Variants in TYSND1 observed in about 807,000 individuals in gnomAD.
TYSND1 encodes the protein peroxisomal leader peptide-processing protease.
Under a neutral mutation model 37.2 loss-of-function variants are expected in TYSND1, and 30 were observed. The ratio of observed to expected loss-of-function variants is 0.81; its 90% CI spans 0.60 to 1.09. The LOEUF (loss-of-function observed/expected upper bound fraction) is 1.09, where lower values mean the gene tolerates loss of function less well. TYSND1 is among the 50% of genes least tolerant of loss of function. The pLI is 0.00. For missense variants in TYSND1, 806 were observed against 817.4 expected (o/e 0.99, Z 0.17); for synonymous variants, 364 against 383.8 (o/e 0.95, Z 0.60).
At chr10:70,141,239 CT>C (rs34072247) in intron 3 of TYSND1, among the ~76,000 whole-genome samples, 51,751 of 126,120 alleles carry the variant, frequency 0.41, 10,196 homozygotes, top group East Asian at 0.55. Context: ...CCATACCTGG[CT>C]TTTTTTTTTT....
intron 2 of TYSND1, among the ~76,000 whole-genome samples, 153 bp downstream of exon 2, chr10:70,143,689 T>A (rs2072825537): frequency 6.6e-6 from 1 of 152,232 alleles, no homozygotes; most frequent in Non-Finnish European, 1.5e-5. Flanking sequence ...GGGCACTCCA[T>A]GTGCCCCACC....
intron 1 of TYSND1, chr10:70,144,550 G>A (rs2394648): frequency 0.86 from 846,340 of 986,980 alleles, 365,946 homozygotes; most frequent in Non-Finnish European, 0.88. Context: ...GTCAACTCCC[G>A]GGGAGGCAGC....
In TYSND1 at chr10:70,145,671, C is replaced by T. The variant is rs1452984516; in HGVS notation, c.916G>A (p.Ala306Thr). Residue 306 changes from alanine to threonine, a missense_variant, in exon 1 of 4, where the codon GCC becomes ACC. Coordinates refer to ENST00000287078, the MANE Select transcript of TYSND1 (RefSeq NM_173555.4). The part of the protein sequence containing the change: ...LCAAAPLFRA[A>T]RDALHRLPHS... ...GGCAGGCGGTGAAGCGCGTCGCGGG[C>T]GGCGCGGAAAAGGGGGGCGGCGGCG... 2.9e-6 allele frequency: 4 copies of T among 1,386,984 alleles called. No individual in the cohort carries two copies. The highest frequency in any genetic ancestry group is 2.8e-6 in the Non-Finnish European group (3 of 1,079,922). 85.9% of individuals were successfully genotyped at this position (1,386,984 alleles called of 1,614,324 possible).
At chr10:70,140,238 C>T (rs982454586) in intron 3 of TYSND1, 97 bp from the exon 4 acceptor site, 29 of 1,001,858 alleles carry the variant, frequency 2.9e-5, no homozygotes, top group Non-Finnish European at 4.3e-5. Flanking sequence ...CCCCCAGGGC[C>T]TGGTAGGGCT....
Position 70,146,133 on chromosome 10 carries a change from C to A in TYSND1, c.454G>T (p.Gly152Trp). Residue 152 changes from glycine to tryptophan, a missense_variant, in exon 1 of 4, where the codon GGG (glycine) becomes TGG (tryptophan). This residue lies in a region of TYSND1 where 708 missense variants were observed against 705.4 expected (regional missense o/e 1.00). Coordinates refer to ENST00000287078, the MANE Select transcript of TYSND1 (RefSeq NM_173555.4). ...AFWAHFARLF[G>W]DEAAEQWRFS... ...CGCCACTGTTCCGCTGCCTCGTCCCCGAAGAGGCGCGCGAAGTGGGCCCAG... is the reference window on the plus strand; with the variant it reads ...CGCCACTGTTCCGCTGCCTCGTCCCAGAAGAGGCGCGCGAAGTGGGCCCAG... 6.4e-7 allele frequency: 1 copy of A among 1,556,292 alleles called. No individual in the cohort carries two copies. The highest frequency in any genetic ancestry group is 8.7e-7 in the Non-Finnish European group (1 of 1,152,194).
intron 2 of TYSND1, among the ~76,000 whole-genome samples, 167 bp downstream of exon 2, chr10:70,143,675 C>T (rs2136691662): frequency 6.6e-6 from 1 of 152,340 alleles, no homozygotes; most frequent in South Asian, 2.1e-4. Context: ...CATTATCCTT[C>T]CCAGGGCACT....
chr10:70,143,740 T>C, intron 2 of TYSND1, 102 bp downstream of exon 2: 14 of 1,466,244 alleles, frequency 9.5e-6, no homozygotes, highest in Non-Finnish European at 1.1e-5. Context: ...CCTTGACCAA[T>C]GCTACCCTGA....
rs7895328 is a variant in TYSND1, at chr10:70,138,973, T to G, written c.*951A>C. On this transcript the variant is annotated 3_prime_UTR_variant, in exon 4 of 4. Transcript: ENST00000287078. ...TTAGCCAGGCGTGGTGGTGCGCGAC[T>G]GTAGTCCCAGCTATTCAGGAGGCTG... 5,438 of 152,046 alleles carry G rather than the reference T, an allele frequency of 0.036. 120 individuals carry two copies. The highest frequency in any genetic ancestry group is 0.058 in the East Asian group (296 of 5,136). 9.4% of individuals were successfully genotyped at this position (152,046 alleles called of 1,614,324 possible).
chr10:70,145,270 G>A (rs1839158527), intron 1 of TYSND1, 151 bp downstream of exon 1: 4 of 710,810 alleles, frequency 5.6e-6, no homozygotes, highest in African/African-American at 3.7e-5. Context: ...GGGTATAAAG[G>A]ATGAGGGGAG....
Position 70,146,568 on chromosome 10 carries a change from A to AC in TYSND1, c.18dup (p.Ser7ValfsTer36). The AC allele has an allele frequency of 1.3e-6, 2 of 1,568,930 alleles. No homozygotes were observed. The highest frequency in any genetic ancestry group is 1.7e-6 in the Non-Finnish European group (2 of 1,165,816). On this transcript the variant is annotated frameshift_variant, in exon 1 of 4. Coordinates refer to ENST00000287078, the MANE Select transcript of TYSND1 (RefSeq NM_173555.4). LOFTEE classifies it high-confidence loss of function. ...GCCTGCTCGGCCGCCCTCATGGCAG[A>AC]CCCCCACTGCCTTCTCATGGCCTCT...
intron 3 of TYSND1, among the ~76,000 whole-genome samples, chr10:70,140,869 C>T (rs1399592069): frequency 2.6e-5 from 4 of 152,192 alleles, no homozygotes; most frequent in African/African-American, 4.8e-5. Context: ...TTAGTTGTCG[C>T]ATCTCCCAAA....
intron 3 of TYSND1, among the ~76,000 whole-genome samples, chr10:70,142,254 T>C (rs1031666828): frequency 2.0e-5 from 3 of 152,208 alleles, no homozygotes; most frequent in African/African-American, 7.2e-5. Context: ...CCAGCCAACG[T>C]TAGGCCCATC....
Position 70,143,858 on chromosome 10 carries a change from A to T in TYSND1, c.1281T>A (p.Ala427=), listed in dbSNP as rs61748786. The change falls in exon 2 of 4, where the codon GCT becomes GCA. Residue 427 remains alanine (A), a synonymous_variant. Transcript: ENST00000287078. ...GTCCTTTACCTTCATGGAAGTGCTCAGCGGGCACAGGGATGGGGACATCAT... is the reference window on the plus strand; with the variant it reads ...GTCCTTTACCTTCATGGAAGTGCTCTGCGGGCACAGGGATGGGGACATCAT... ...DLDDVPIPVP[A]EHFHEGEAVS... 794 of 1,614,186 alleles carry T rather than the reference A, an allele frequency of 4.9e-4. 1 individual carries two copies. The African/African-American group carries it at 9.6e-3, about 20-fold the overall frequency.
chr10:70,143,309 G>T (rs1469317354), intron 2 of TYSND1, among the ~76,000 whole-genome samples: 2 of 152,196 alleles, frequency 1.3e-5, no homozygotes, highest in Non-Finnish European at 2.9e-5. Flanking sequence ...TACAGGCAAC[G>T]TCACACCCAG....
intron 1 of TYSND1, chr10:70,144,197 C>G: frequency 1.7e-6 from 1 of 576,522 alleles, no homozygotes; most frequent in South Asian, 2.1e-5. Context: ...AATAATCAAC[C>G]TGACACTTAG....
At chr10:70,143,537 C>A (rs1350015775) in intron 2 of TYSND1, among the ~76,000 whole-genome samples, 1 of 152,228 alleles carries the variant, frequency 6.6e-6, no homozygotes, top group Non-Finnish European at 1.5e-5. Context: ...AGCCTTTTAC[C>A]CAAATCGTGC....
chr10:70,143,074 T>C (rs1433448214), intron 2 of TYSND1, among the ~76,000 whole-genome samples: 1 of 152,204 alleles, frequency 6.6e-6, no homozygotes, highest in Non-Finnish European at 1.5e-5. Context: ...CATGACCACT[T>C]CTGAGCAACA....
At chr10:70,145,288 G>T in intron 1 of TYSND1, 133 bp downstream of exon 1, 2 of 850,898 alleles carry the variant, frequency 2.4e-6, no homozygotes, top group Non-Finnish European at 3.2e-6. Context: ...GAGGGTTCCA[G>T]GTCTCTACCC....
In TYSND1 at chr10:70,146,000, T is replaced by A. The variant is rs1389072088; in HGVS notation, c.587A>T (p.Glu196Val). ...ALLGVRLGQE[E>V]VEEERGPAMA... ...GGCTGGCCCGCGCTCCTCCTCCACC[T>A]CCTCCTGGCCTAGCCGCACGCCCAG... The change falls in exon 1 of 4, where the codon GAG (glutamate) becomes GTG (valine). Residue 196 changes from glutamate (E) to valine (V), a missense_variant. By Grantham distance (121) the Glu-to-Val change is moderately radical (BLOSUM62 -2). Transcript: ENST00000287078. 1 of 1,586,534 alleles carries A rather than the reference T, an allele frequency of 6.3e-7. No homozygotes were observed. Among genetic ancestry groups the A allele is most frequent in the Admixed American group, 1.8e-5 (1 of 56,632 alleles).
Sources: gnomAD v4.1 joint callset for allele counts (sites outside exome capture counted in the v4.1 genomes callset) on GRCh38, gnomAD v4.1.1 for gene constraint, gnomAD v4.1.1 regional missense constraint, MANE v1.5 for transcripts, NCBI Gene and HGNC (gene_info 2026-07-23, HGNC 2026-07-21) for gene names.